The following NGLY1 variants were observed in gnomAD, a reference collection of about 807,000 sequenced individuals.
The protein encoded by NGLY1 is peptide-N(4)-(N-acetyl-beta-glucosaminyl)asparagine amidase.
In NGLY1, 68 loss-of-function variants were observed where a neutral mutation model predicts 84.6. The ratio of observed to expected loss-of-function variants is 0.80; its 90% confidence interval spans 0.66 to 0.98. The LOEUF (loss-of-function observed/expected upper bound fraction) is 0.98, where lower values mean the gene tolerates loss of function less well. NGLY1 is among the 50% of genes least tolerant of loss of function. The probability of loss-of-function intolerance (pLI) is 0.00; values close to 1 mark genes in which losing one functional copy is unlikely to be tolerated. For missense variants in NGLY1, 779 were observed against 770.2 expected, an observed-to-expected ratio of 1.01 and a Z score of -0.14; for synonymous variants, 280 against 275.2, an observed-to-expected ratio of 1.02 and a Z score of -0.17.
At chr3:25,746,756 T>C (rs770120952) in intron 4 of NGLY1, among the ~76,000 whole-genome samples, 2 of 152,218 alleles carry the variant, frequency 1.3e-5, no homozygotes, top group Non-Finnish European at 2.9e-5. Context: ...AGAGGAAATA[T>C]GATGGACACA....
chr3:25,763,975 A>G, intron 3 of NGLY1, 91 bp downstream of exon 3: 1 of 1,484,928 alleles, frequency 6.7e-7, no homozygotes, highest in Non-Finnish European at 9.1e-7. Flanking sequence ...ATGGGGCATA[A>G]ATTCAGGAAT....
intron 3 of NGLY1, among the ~76,000 whole-genome samples, chr3:25,752,426 T>A (rs953530867): frequency 6.6e-6 from 1 of 151,996 alleles, no homozygotes; most frequent in African/African-American, 2.4e-5. Context: ...TTCACCATAT[T>A]GGCCAGGCTG....
At chr3:25,721,413 CAAGTACTTGGTTCTTACATT>C (rs1306706184) in intron 10 of NGLY1, among the ~76,000 whole-genome samples, 8 of 152,090 alleles carry the variant, frequency 5.3e-5, no homozygotes, top group Non-Finnish European at 1.0e-4. Flanking sequence ...AAATGTACAG[CAAGTACTTGGTTCTTACATT>C]AAGTCTAATC....
chr3:25,788,581 G>A (rs1002352678), intron 1 of NGLY1, among the ~76,000 whole-genome samples: 3 of 152,116 alleles, frequency 2.0e-5, no homozygotes, highest in African/African-American at 7.2e-5. Context: ...TAGCCAAGAC[G>A]ATTTTGTGAT....
chr3:25,720,100 G>C lies in NGLY1; in HGVS notation c.1703C>G (p.Ser568Cys). The stretch of plus-strand genomic sequence containing the variant: ...AAAAGTTTGACTACTTGTTCTAATA[G>C]AAATGCTATCTACTTTTAGGCCAAC... Reference protein sequence around the residue: ...GSVGLKVDSISIRTSSQTFQT... With the variant: ...GSVGLKVDSICIRTSSQTFQT... The change falls in exon 11 of 12, where the codon TCT (serine) becomes TGT (cysteine). Residue 568 changes from serine (S) to cysteine (C), a missense_variant. By Grantham distance (112) the Ser-to-Cys change is moderately radical. Coordinates refer to ENST00000280700, the MANE Select transcript of NGLY1 (RefSeq NM_018297.4). The C allele has an allele frequency of 6.2e-7, 1 of 1,613,596 alleles. No homozygotes were observed. Among genetic ancestry groups the C allele is most frequent in the Non-Finnish European group, 8.5e-7 (1 of 1,179,652 alleles).
rs771273627 is a variant in NGLY1 at position 25,719,997 on chromosome 3, T to G, written c.1789+17A>C. The G allele has an allele frequency of 6.3e-6, 10 of 1,597,124 alleles. No individual in the cohort carries two copies. The highest frequency in any genetic ancestry group is 7.7e-6 in the Non-Finnish European group (9 of 1,168,422). ...TAAATATATATTTCGTGATTAATTCTCCAGGCAAATGCTTACCGCCTGTCA... is the reference window on the plus strand; with the variant it reads ...TAAATATATATTTCGTGATTAATTCGCCAGGCAAATGCTTACCGCCTGTCA... On this transcript the variant is annotated intron_variant, in intron 11 of 11. Coordinates refer to ENST00000280700, the MANE Select transcript of NGLY1 (RefSeq NM_018297.4).
intron 4 of NGLY1, among the ~76,000 whole-genome samples, chr3:25,746,721 T>C (rs1014168230): frequency 2.0e-5 from 3 of 152,252 alleles, no homozygotes; most frequent in African/African-American, 7.2e-5. Context: ...CCTTGAGCAA[T>C]TTCCTGGTTG....
At chr3:25,761,587 G>A (rs551505052) in intron 3 of NGLY1, among the ~76,000 whole-genome samples, 2 of 152,154 alleles carry the variant, frequency 1.3e-5, no homozygotes, top group South Asian at 4.1e-4. Context: ...CTAAGAAACG[G>A]GAAGCCTCAC....
chr3:25,762,053 T>C (rs891723565), intron 3 of NGLY1, among the ~76,000 whole-genome samples: 6 of 152,188 alleles, frequency 3.9e-5, no homozygotes, highest in Non-Finnish European at 7.3e-5. Flanking sequence ...AGTATCAATA[T>C]ATTCCAGTAT....
At chr3:25,755,525 A>G in intron 3 of NGLY1, 1 of 1,426,934 alleles carries the variant, frequency 7.0e-7, no homozygotes. Context: ...TTCCTGCAAT[A>G]ACTGCAGTTC....
Position 25,783,404 on chromosome 3 carries a change from C to T in NGLY1, c.-14G>A. The T allele has an allele frequency of 1.3e-6, 2 of 1,523,154 alleles. No individual in the cohort carries two copies. Among genetic ancestry groups the T allele is most frequent in the Admixed American group, 2.1e-5 (1 of 47,084 alleles). The allele number at this position is 1,523,154 out of a possible 1,614,324, so 94.4% of individuals were successfully genotyped here. A position where few individuals can be genotyped will look rare whatever the true frequency, so the allele number is the denominator to read the frequency against. On this transcript the variant is annotated 5_prime_UTR_variant, in exon 1 of 12. Coordinates refer to ENST00000280700, the MANE Select transcript of NGLY1 (RefSeq NM_018297.4). This position sits in a 1 kb window ranked among gnomAD's most constrained non-coding sequence, Gnocchi z 4.5. ...CGCCGCCGCCATGCTTGAGCGCCAG[C>T]GGGCGCCGCCGCCGCCCCTCGCTCT... is the stretch of plus-strand genomic sequence containing the variant.
intron 10 of NGLY1, 68 bp downstream of exon 10, chr3:25,729,065 A>C (rs1705406251): frequency 9.1e-7 from 1 of 1,098,374 alleles, no homozygotes; most frequent in African/African-American, 1.6e-5. Flanking sequence ...CACAACTGAA[A>C]AATGAAGCCA....
At chr3:25,729,798 C>T (rs957254959) in intron 9 of NGLY1, 3 of 152,182 alleles carry the variant, frequency 2.0e-5, no homozygotes, top group Admixed American at 2.0e-4. Context: ...GCTACCAGGG[C>T]CTTATGTGAT....
At chr3:25,790,014 C>G (rs987003614) in exon 1 of NGLY1, 14 of 939,948 alleles carry the variant, frequency 1.5e-5, no homozygotes, top group Non-Finnish European at 2.2e-5. Flanking sequence ...GAAAGAGAGT[C>G]GAACGGGACG....
intron 2 of NGLY1, among the ~76,000 whole-genome samples, chr3:25,773,431 GC>G (rs1707994603): frequency 6.6e-6 from 1 of 152,054 alleles, no homozygotes; most frequent in African/African-American, 2.4e-5. Flanking sequence ...ACTTTCCGAT[GC>G]ATTCTGCATT....
At chr3:25,739,440 C>T in intron 5 of NGLY1, 137 bp downstream of exon 5, 1 of 807,130 alleles carries the variant, frequency 1.2e-6, no homozygotes, top group Non-Finnish European at 1.9e-6. Context: ...ATTTAGCCTG[C>T]CAGCCACGGT....
chr3:25,759,205 A>G lies in NGLY1; in HGVS notation c.492+4861T>C, dbSNP rs550974619. On this transcript the variant is annotated intron_variant, in intron 3 of 11. Transcript: ENST00000280700. The stretch of plus-strand genomic sequence containing the variant: ...TAAGAGCAGACACATTGCCTCCATT[A>G]CAGAAGAGATGGGTACAACAGCTGA... Among the ~76,000 whole-genome samples, 4 of 152,274 alleles carry G rather than the reference A, an allele frequency of 2.6e-5. No homozygotes were observed. In the South Asian group the frequency reaches 8.3e-4, roughly 32 times the overall value.
chr3:25,736,554 T>C (rs1705836497), intron 6 of NGLY1: 1 of 527,306 alleles, frequency 1.9e-6, no homozygotes, highest in Non-Finnish European at 3.4e-6. Context: ...CTCTGGTCAA[T>C]ACATGCTTTA....
At chr3:25,748,556 AT>A (rs1706562149) in intron 4 of NGLY1, among the ~76,000 whole-genome samples, 3 of 152,150 alleles carry the variant, frequency 2.0e-5, no homozygotes, top group Admixed American at 2.0e-4. Flanking sequence ...GTATTTTTTC[AT>A]TTATTTCTAA....
Sources: gnomAD v4.1 joint callset for allele counts (sites outside exome capture counted in the v4.1 genomes callset) on GRCh38, gnomAD v4.1.1 for gene constraint, Gnocchi (gnomAD v3.1) non-coding constraint, MANE v1.5 for transcripts, NCBI Gene and HGNC (gene_info 2026-07-23, HGNC 2026-07-21) for gene names.